Variants in ATP8A1 observed in about 807,000 individuals in gnomAD.
ATP8A1 encodes ATPase phospholipid transporting 8A1.
ATP8A1 carries 90 observed loss-of-function variants against 177.7 expected under a neutral mutation model. That is an observed-to-expected ratio of 0.51 (90% confidence interval 0.43 to 0.60). The LOEUF is 0.60. Ranked by LOEUF, ATP8A1 falls within the 20% of genes least tolerant of loss-of-function variation. The pLI is 0.00. For missense variants in ATP8A1, 1,072 were observed against 1,392.8 expected, an observed-to-expected ratio of 0.77 and a Z score of 3.67; for synonymous variants, 493 against 485.9, an observed-to-expected ratio of 1.01 and a Z score of -0.19.
chr4:42,563,008 C>T lies in ATP8A1; in HGVS notation c.1340+6153G>A, dbSNP rs139688021. Among the ~76,000 whole-genome samples the T allele has an allele frequency of 9.4e-3, 1,428 of 152,240 alleles. 18 individuals are homozygous for T. The highest frequency in any genetic ancestry group is 0.032 in the African/African-American group (1,329 of 41,528). On this transcript the variant is annotated intron_variant, in intron 15 of 36. Coordinates refer to ENST00000381668, the MANE Select transcript of ATP8A1 (RefSeq NM_006095.2). ...AATTGATACTAGTAGAGTGGGGCAC[C>T]GCTGAAAAGATACCCGAAAATGTGG...
intron 25 of ATP8A1, among the ~76,000 whole-genome samples, chr4:42,468,729 G>A (rs1332450884): frequency 2.0e-5 from 3 of 151,992 alleles, no homozygotes; most frequent in Admixed American, 6.6e-5. Flanking sequence ...CTCGGGTGAT[G>A]GGTACACAAA....
At chr4:42,415,379 T>A (rs1282657267) in intron 35 of ATP8A1, among the ~76,000 whole-genome samples, 1 of 152,172 alleles carries the variant, frequency 6.6e-6, no homozygotes, top group African/African-American at 2.4e-5. Context: ...TTAGAATAGT[T>A]GTCTCCTCAG....
rs552983335 is a variant in ATP8A1 at position 42,410,304 on chromosome 4, G to T, written c.*2612C>A. The T allele has an allele frequency of 1.3e-5, 2 of 152,030 alleles. No homozygotes were observed. Among genetic ancestry groups the T allele is most frequent in the African/African-American group, 4.8e-5 (2 of 41,384 alleles). The allele number at this position is 152,030 out of a possible 1,614,324, so 9.4% of individuals were successfully genotyped here. A position where few individuals can be genotyped will look rare whatever the true frequency, so the allele number is the denominator to read the frequency against. On this transcript the variant is annotated 3_prime_UTR_variant, in exon 37 of 37. Transcript: ENST00000381668. ...GAATGAGGATTTTCTATTATAAGTC[G>T]TATTGTCTGAATTGTAAACATTGTA...
intron 4 of ATP8A1, among the ~76,000 whole-genome samples, chr4:42,616,776 G>T (rs1736961937): frequency 6.6e-6 from 1 of 152,206 alleles, no homozygotes; most frequent in African/African-American, 2.4e-5. Flanking sequence ...GGTTTGAAGA[G>T]TTGCATAAGC....
chr4:42,569,283 G>A (rs1317374289), intron 14 of ATP8A1, 78 bp from the exon 15 acceptor site: 37 of 1,164,578 alleles, frequency 3.2e-5, no homozygotes, highest in Non-Finnish European at 4.4e-5. Context: ...CCACGAAGAA[G>A]GGAAGTATAA....
intron 20 of ATP8A1, among the ~76,000 whole-genome samples, chr4:42,539,277 G>A (rs1251293118): frequency 6.6e-6 from 1 of 151,984 alleles, no homozygotes; most frequent in East Asian, 1.9e-4. Flanking sequence ...TGGGAGGGGA[G>A]TGAGGGATAA....
At chr4:42,555,191 T>TATCTA (rs1730062168) in intron 16 of ATP8A1, among the ~76,000 whole-genome samples, 1 of 129,388 alleles carries the variant, frequency 7.7e-6, no homozygotes, top group Non-Finnish European at 1.7e-5. Context: ...TCTATCTATC[T>TATCTA]ATCTATCCTA....
At chr4:42,562,687 G>T (rs1028937896) in intron 15 of ATP8A1, among the ~76,000 whole-genome samples, 5 of 152,198 alleles carry the variant, frequency 3.3e-5, no homozygotes, top group African/African-American at 1.2e-4. Context: ...TGTTGTAGGA[G>T]AGACCTGATG....
At chr4:42,653,474 G>A (rs943570149) in intron 1 of ATP8A1, among the ~76,000 whole-genome samples, 8 of 152,152 alleles carry the variant, frequency 5.3e-5, no homozygotes, top group African/African-American at 1.9e-4. Context: ...TAATGATTCA[G>A]TCAGAAATCT....
intron 35 of ATP8A1, among the ~76,000 whole-genome samples, chr4:42,420,770 C>CTTT (rs34285804): frequency 1.6e-5 from 2 of 121,260 alleles, no homozygotes; most frequent in South Asian, 2.6e-4. Context: ...AGCTAGAACT[C>CTTT]TTTTTTTTTT....
intron 23 of ATP8A1, among the ~76,000 whole-genome samples, chr4:42,505,647 ATT>A (rs1197332980): frequency 2.6e-5 from 4 of 152,190 alleles, no homozygotes; most frequent in African/African-American, 9.7e-5. Context: ...AATAACATCA[ATT>A]TGCTATAAAT....
intron 20 of ATP8A1, among the ~76,000 whole-genome samples, chr4:42,537,587 T>G (rs1727979495): frequency 1.3e-5 from 2 of 152,134 alleles, no homozygotes; most frequent in Non-Finnish European, 2.9e-5. Context: ...ACAAAATTAA[T>G]GCACACAAAC....
chr4:42,610,315 T>C (rs1307317793), intron 5 of ATP8A1, among the ~76,000 whole-genome samples: 1 of 152,250 alleles, frequency 6.6e-6, no homozygotes, highest in East Asian at 1.9e-4. Context: ...TGAAGTAAAA[T>C]AACAAATGTT....
At chr4:42,535,369 G>A (rs1481260702) in intron 20 of ATP8A1, among the ~76,000 whole-genome samples, 2 of 151,804 alleles carry the variant, frequency 1.3e-5, no homozygotes, top group East Asian at 1.9e-4. Context: ...AGACAAAGAG[G>A]GACATTATAT....
intron 5 of ATP8A1, among the ~76,000 whole-genome samples, chr4:42,609,201 T>C (rs1307210787): frequency 6.6e-6 from 1 of 152,104 alleles, no homozygotes; most frequent in Non-Finnish European, 1.5e-5. Flanking sequence ...TCACCAGCAG[T>C]GTCACTGAGA....
At chr4:42,484,473 T>C (rs1033929421) in intron 25 of ATP8A1, among the ~76,000 whole-genome samples, 1 of 152,178 alleles carries the variant, frequency 6.6e-6, no homozygotes, top group African/African-American at 2.4e-5. Flanking sequence ...ATAGTTTAAA[T>C]TATATTTCAG....
intron 19 of ATP8A1, among the ~76,000 whole-genome samples, chr4:42,544,245 C>G (rs1042944818): frequency 6.6e-5 from 10 of 152,182 alleles, no homozygotes; most frequent in Non-Finnish European, 1.2e-4. Flanking sequence ...AAGAAACCTA[C>G]AAGAGCTCAT....
chr4:42,425,531 A>G (rs997925280), intron 33 of ATP8A1, among the ~76,000 whole-genome samples: 3 of 152,156 alleles, frequency 2.0e-5, no homozygotes, highest in African/African-American at 7.2e-5. Context: ...CGCATTAAAG[A>G]CAGAGAGTCT....
In ATP8A1 at chr4:42,656,989, C is replaced by A. The variant is rs1198765246; in HGVS notation, c.-116G>T. ...CGCTCAGCTGCAGCCTGGGCCGCGCCGCCGCCCACCTAGGGCAGAGCTGCC... is the reference window on the plus strand; with the variant it reads ...CGCTCAGCTGCAGCCTGGGCCGCGCAGCCGCCCACCTAGGGCAGAGCTGCC... On this transcript the variant is annotated 5_prime_UTR_variant, in exon 1 of 37. Coordinates refer to ENST00000381668, the MANE Select transcript of ATP8A1 (RefSeq NM_006095.2). The A allele has an allele frequency of 3.4e-5, 38 of 1,121,346 alleles. 1 individual carries two copies. The South Asian group carries it at 1.2e-3, about 37-fold the overall frequency. 69.5% of individuals were successfully genotyped at this position (1,121,346 alleles called of 1,614,324 possible).
Sources: gnomAD v4.1 joint callset for allele counts (sites outside exome capture counted in the v4.1 genomes callset) on GRCh38, gnomAD v4.1.1 for gene constraint, MANE v1.5 for transcripts, NCBI Gene and HGNC (gene_info 2026-07-23, HGNC 2026-07-21) for gene names.